MORN1: variants seen among roughly 807,000 people sequenced by gnomAD.
MORN1 encodes MORN repeat-containing protein 1.
In MORN1, 67 loss-of-function variants were observed where a neutral mutation model predicts 61.9. The observed-to-expected ratio is 1.08, with a 90% CI of 0.89 to 1.33. The LOEUF (loss-of-function observed/expected upper bound fraction) is 1.33, where lower values mean the gene tolerates loss of function less well. MORN1 is among the 40% of genes most tolerant of loss of function. MORN1 has a pLI of 0.00. For synonymous variants in MORN1, 301 were observed against 292.0 expected, an observed-to-expected ratio of 1.03 and a Z score of -0.31; for missense variants, 752 against 691.2, an observed-to-expected ratio of 1.09 and a Z score of -0.99.
chr1:2,383,722 G>T (rs1002982790), intron 6 of MORN1, among the ~76,000 whole-genome samples: 6 of 152,280 alleles, frequency 3.9e-5, no homozygotes, highest in Admixed American at 6.5e-5. Flanking sequence ...CGCTCAGGGG[G>T]CCCCTCACAG....
At position 2,336,753 on chromosome 1, in the gene MORN1, C is replaced by T. The variant is rs200782032; in HGVS notation, c.1134G>A (p.Gly378=). 2 of 1,597,840 alleles carry T rather than the reference C, an allele frequency of 1.3e-6. No individual in the cohort carries two copies. The highest frequency in any genetic ancestry group is 2.2e-5 in the East Asian group (1 of 44,714). The change falls in exon 11 of 14, where the codon GGG becomes GGA. Residue 378 remains glycine (G), a synonymous_variant. Coordinates refer to ENST00000378531, the MANE Select transcript of MORN1 (RefSeq NM_024848.3). ...TGTCCAGGAACAGGAAGGGGTGGTACCCAGGCGGGGGCGGCCCCAGGAGGA... is the reference window on the plus strand; with the variant it reads ...TGTCCAGGAACAGGAAGGGGTGGTATCCAGGCGGGGGCGGCCCCAGGAGGA... The part of the protein sequence containing the change: ...TDVLLGPPPP[G]YHPFLFLDSL...
intron 10 of MORN1, among the ~76,000 whole-genome samples, chr1:2,345,262 C>T (rs924283243): frequency 1.3e-5 from 2 of 152,250 alleles, no homozygotes; most frequent in African/African-American, 4.8e-5. Context: ...GCCCCGGCAC[C>T]TCCAAGCCAT....
intron 6 of MORN1, chr1:2,376,132 G>A (rs1487581260): frequency 6.6e-6 from 1 of 152,660 alleles, no homozygotes. Flanking sequence ...TGGAGGCCGT[G>A]GGCACCCTTG....
At chr1:2,381,523 C>G (rs893966191) in intron 6 of MORN1, among the ~76,000 whole-genome samples, 7 of 152,130 alleles carry the variant, frequency 4.6e-5, no homozygotes, top group Admixed American at 6.5e-5. Context: ...GGTGTGCGGG[C>G]CTCGGTTGGC....
Position 2,386,230 on chromosome 1 carries a change from G to A in MORN1, c.359-333C>T, listed in dbSNP as rs1197994693. ...CCATCTGAGGCTGCACAGGCTCTGC[G>A]TGCTGCTGGGGTGAGGATGGGTGCA... On this transcript the variant is annotated intron_variant, in intron 4 of 13. Coordinates refer to ENST00000378531, the MANE Select transcript of MORN1 (RefSeq NM_024848.3). 3 of 336,338 alleles carry A rather than the reference G, an allele frequency of 8.9e-6. 1 individual carries two copies. The highest frequency in any genetic ancestry group is 6.9e-5 in the South Asian group (2 of 29,018). 20.8% of individuals were successfully genotyped at this position (336,338 alleles called of 1,614,324 possible). A position where few individuals can be genotyped will look rare whatever the true frequency, so the allele number is the denominator to read the frequency against.
At chr1:2,332,583 C>T (rs1465336298) in intron 12 of MORN1, 4 of 456,362 alleles carry the variant, frequency 8.8e-6, no homozygotes, top group African/African-American at 2.0e-5. Context: ...CACGGCAGAC[C>T]TCCGGCACAG....
At chr1:2,386,827 T>C (rs1273851154) in intron 4 of MORN1, 1 of 154,398 alleles carries the variant, frequency 6.5e-6, no homozygotes, top group Non-Finnish European at 1.4e-5. Context: ...GGTGGCCTTT[T>C]GGCTGTGGGA....
At chr1:2,355,502 G>C (rs1043154217) in intron 10 of MORN1, 5 of 1,549,386 alleles carry the variant, frequency 3.2e-6, no homozygotes, top group Admixed American at 2.0e-5. Flanking sequence ...AGGCTCTGGG[G>C]CTTCTAGCCA....
At chr1:2,353,328 G>A (rs1569975977) in intron 10 of MORN1, among the ~76,000 whole-genome samples, 2 of 152,250 alleles carry the variant, frequency 1.3e-5, no homozygotes, top group Non-Finnish European at 2.9e-5. Context: ...GGCTAAAGCC[G>A]GCCCCCCTGT....
chr1:2,352,141 C>CCCTGGT (rs1641663950), intron 10 of MORN1: 1 of 369,648 alleles, frequency 2.7e-6, no homozygotes, highest in African/African-American at 2.1e-5. Context: ...GCTTTTTGTC[C>CCCTGGT]CCTGGTTCTG....
rs925175892 is a variant in MORN1, at chr1:2,322,963, C to T, written c.1297+1134G>A. On this transcript the variant is annotated intron_variant, in intron 13 of 13. Coordinates refer to ENST00000378531, the MANE Select transcript of MORN1 (RefSeq NM_024848.3). ...GGCCAGCTCTCACTTAGGGCCTCGG[C>T]CATACGTACATGGCTTAGCCCCAAG... The T allele has an allele frequency of 2.5e-5, 25 of 985,450 alleles. No homozygotes were observed. The East Asian group carries it at 2.3e-3, about 90-fold the overall frequency. 61.0% of individuals were successfully genotyped at this position (985,450 alleles called of 1,614,324 possible).
intron 8 of MORN1, among the ~76,000 whole-genome samples, chr1:2,369,575 A>C (rs1387941171): frequency 6.6e-6 from 1 of 152,136 alleles, no homozygotes; most frequent in Non-Finnish European, 1.5e-5. Flanking sequence ...AGAACTAATA[A>C]ATGAGTAAAG....
rs1214795985 is a variant in MORN1, at chr1:2,387,497, C to T, written c.280G>A (p.Glu94Lys). Residue 94 changes from glutamate to lysine, a missense_variant, in exon 4 of 14, where the codon GAG becomes AAG. Glu to Lys is a moderately conservative substitution (Grantham distance 56). Transcript: ENST00000378531. The stretch of plus-strand genomic sequence containing the variant: ...TCCATGACGCCGTAGCCTTGAGGCT[C>T]TCCCAGAACAAACTGTCCAGAGAAG... ...DTFSGQFVLG[E>K]PQGYGVMEYK... The T allele has an allele frequency of 6.2e-7, 1 of 1,613,286 alleles. No homozygotes were observed. Among genetic ancestry groups the T allele is most frequent in the Non-Finnish European group, 8.5e-7 (1 of 1,180,000 alleles).
intron 10 of MORN1, among the ~76,000 whole-genome samples, chr1:2,342,858 T>TTTTATTTATTTTA (rs1246238969): frequency 9.9e-6 from 1 of 100,608 alleles, no homozygotes; most frequent in Non-Finnish European, 2.0e-5. Flanking sequence ...TTTTATTTTA[T>TTTTATTTATTTTA]TTTATTTTAT....
Position 2,323,429 on chromosome 1 carries a change from C to T in MORN1, c.1297+668G>A, listed in dbSNP as rs1322729968. ...GGGTCATTCATGTTGGCCCAGGTGA[C>T]AGAGAGGCTCCATTCTCCGTCAGGC... On this transcript the variant is annotated intron_variant, in intron 13 of 13. Transcript: ENST00000378531. The T allele has an allele frequency of 1.7e-5, 17 of 985,304 alleles. No homozygotes were observed. The South Asian group carries it at 4.7e-4, about 27-fold the overall frequency. The allele number at this position is 985,304 out of a possible 1,614,324, so 61.0% of individuals were successfully genotyped here.
intron 8 of MORN1, chr1:2,363,240 T>C (rs1641929719): frequency 6.6e-6 from 1 of 152,170 alleles, no homozygotes; most frequent in South Asian, 2.1e-4. Context: ...AGTAGTATAT[T>C]ACATCTCTTG....
intron 10 of MORN1, among the ~76,000 whole-genome samples, chr1:2,348,756 C>T (rs1641580420): frequency 6.9e-6 from 1 of 144,884 alleles, no homozygotes; most frequent in African/African-American, 2.7e-5. Flanking sequence ...CACGCACACA[C>T]ACGCACACCT....
At chr1:2,389,617 G>A (rs772243611) in intron 2 of MORN1, among the ~76,000 whole-genome samples, 8 of 152,222 alleles carry the variant, frequency 5.3e-5, no homozygotes, top group Non-Finnish European at 8.8e-5. Context: ...ACAAGAGTAG[G>A]TTCTCTTTAT....
intron 12 of MORN1, among the ~76,000 whole-genome samples, chr1:2,333,972 T>G (rs146194522): frequency 6.6e-6 from 1 of 151,860 alleles, no homozygotes; most frequent in Admixed American, 6.6e-5. Flanking sequence ...TGGACGCTGG[T>G]TGGGGGAGCT....
Sources: gnomAD v4.1 joint callset for allele counts (sites outside exome capture counted in the v4.1 genomes callset) on GRCh38, gnomAD v4.1.1 for gene constraint, MANE v1.5 for transcripts, NCBI Gene and HGNC (gene_info 2026-07-23, HGNC 2026-07-21) for gene names.